KTN1: variants seen among roughly 807,000 people sequenced by gnomAD.
The protein encoded by KTN1 is kinectin 1, also known as kinectin.
In KTN1, 130 loss-of-function variants were observed where a neutral mutation model predicts 222.5. The ratio of observed to expected loss-of-function variants is 0.58; its 90% confidence interval spans 0.51 to 0.68. KTN1 has a LOEUF of 0.68. Among genes scored for constraint, KTN1 ranks in the 30% least tolerant of loss-of-function variants. KTN1 has a pLI of 0.00. For missense variants in KTN1, 1,508 were observed against 1,500.4 expected, an observed-to-expected ratio of 1.01 and a Z score of -0.08; for synonymous variants, 512 against 496.3, an observed-to-expected ratio of 1.03 and a Z score of -0.42.
At chr14:55,681,839 C>T (rs1328859630) in intron 43 of KTN1, 3 of 152,098 alleles carry the variant, frequency 2.0e-5, no homozygotes, top group East Asian at 1.9e-4. Flanking sequence ...TTTTGGTTCC[C>T]GTAGCTCTTC....
intron 1 of KTN1, among the ~76,000 whole-genome samples, chr14:55,590,144 T>C (rs1219677924): frequency 6.6e-6 from 1 of 152,200 alleles, no homozygotes; most frequent in Non-Finnish European, 1.5e-5. Context: ...TTCAGTGCTT[T>C]TATTGTAATT....
chr14:55,632,520 C>T (rs1594968148), intron 7 of KTN1, among the ~76,000 whole-genome samples: 1 of 152,010 alleles, frequency 6.6e-6, no homozygotes, highest in Non-Finnish European at 1.5e-5. Context: ...GTGGTGGTCG[C>T]CAGGGGCTGC....
chr14:55,645,824 A>T (rs748831380), intron 18 of KTN1, among the ~76,000 whole-genome samples: 1 of 152,160 alleles, frequency 6.6e-6, no homozygotes, highest in Non-Finnish European at 1.5e-5. Flanking sequence ...CATTAAAGAG[A>T]AGGGTTTAAT....
rs181326338 is a variant in KTN1, at chr14:55,599,934, G to T, written c.-30-12085G>T. On this transcript the variant is annotated intron_variant, in intron 1 of 43. Transcript: ENST00000395314. ...ACTTAGTGATTTGAAATGGCACTGT[G>T]ATAATATACCAAACTTTTTGTGTGT... Among the ~76,000 whole-genome samples the T allele has an allele frequency of 5.4e-3, 814 of 152,058 alleles. 3 individuals carry two copies. Among genetic ancestry groups the T allele is most frequent in the Non-Finnish European group, 9.3e-3 (630 of 67,958 alleles).
At chr14:55,634,427 C>A in intron 8 of KTN1, 99 bp from the exon 9 acceptor site, 2 of 1,067,214 alleles carry the variant, frequency 1.9e-6, no homozygotes, top group Non-Finnish European at 2.6e-6. Flanking sequence ...GTAAATGGAA[C>A]TACTAGCTCA....
rs542601023 is a variant in KTN1 at position 55,589,977 on chromosome 14, G to C, written c.-31+9623G>C. On this transcript the variant is annotated intron_variant, in intron 1 of 43. Coordinates refer to ENST00000395314, the MANE Select transcript of KTN1 (RefSeq NM_001079521.2). ...CAGCCTTATTTATCTGATTTCTTAA[G>C]GTAGCTTTGTAATAAGTAAAAACAA... 2.6e-5 allele frequency among the ~76,000 whole-genome samples: 4 copies of C among 151,854 alleles called. No homozygotes were observed. In the South Asian group the frequency reaches 8.3e-4, roughly 32 times the overall value.
chr14:55,628,376 A>G lies in KTN1; in HGVS notation c.1080+348A>G, dbSNP rs1204752593. Among the ~76,000 whole-genome samples the G allele has an allele frequency of 2.0e-5, 3 of 152,208 alleles. No homozygotes were observed. The East Asian group carries it at 5.8e-4, about 29-fold the overall frequency. On this transcript the variant is annotated intron_variant, in intron 6 of 43. Transcript: ENST00000395314. ...ATCTTGTTTAAGTCTGATTAATGGA[A>G]TAAGTGTGAAACTCTTAACATAGGT...
chr14:55,635,267 G>T (rs925212526), intron 9 of KTN1, among the ~76,000 whole-genome samples: 9 of 152,152 alleles, frequency 5.9e-5, no homozygotes, highest in African/African-American at 1.9e-4. Context: ...AATGATGTTA[G>T]CTGATTGACA....
intron 18 of KTN1, chr14:55,644,309 G>A (rs1595059041): frequency 4.3e-6 from 3 of 692,210 alleles, no homozygotes; most frequent in African/African-American, 1.8e-5. Flanking sequence ...GTTTAGTTAT[G>A]TAAAAATTTC....
chr14:55,640,024 G>T, intron 14 of KTN1, 21 bp downstream of exon 14: 1 of 1,363,950 alleles, frequency 7.3e-7, no homozygotes, highest in Non-Finnish European at 1.0e-6. Flanking sequence ...TTGTATAAAT[G>T]GCTGCAATAT....
intron 32 of KTN1, among the ~76,000 whole-genome samples, chr14:55,662,090 A>G (rs1032128717): frequency 7.2e-6 from 1 of 139,094 alleles, no homozygotes; most frequent in African/African-American, 2.8e-5. Context: ...TTTTTTTTTA[A>G]GACAGGGTCT....
intron 1 of KTN1, among the ~76,000 whole-genome samples, chr14:55,602,264 T>C (rs1235797397): frequency 6.6e-6 from 1 of 152,200 alleles, no homozygotes; most frequent in African/African-American, 2.4e-5. Flanking sequence ...CATAGAATTA[T>C]ATGCATGTCT....
Position 55,675,023 on chromosome 14 carries a change from C to T in KTN1, c.3772-812C>T, listed in dbSNP as rs140137275. On this transcript the variant is annotated intron_variant, in intron 40 of 43. Coordinates refer to ENST00000395314, the MANE Select transcript of KTN1 (RefSeq NM_001079521.2). ...AATTTCCAAGTGGAATTTCCCTCCG[C>T]CCCACTGCCACCCCTTTTTAATTCT... 5 of 152,266 alleles carry T rather than the reference C, an allele frequency of 3.3e-5. No individual in the cohort carries two copies. In the East Asian group the frequency reaches 9.7e-4, roughly 29 times the overall value. 9.4% of individuals were successfully genotyped at this position (152,266 alleles called of 1,614,324 possible). A position where few individuals can be genotyped will look rare whatever the true frequency, so the allele number is the denominator to read the frequency against.
intron 11 of KTN1, 23 bp from the exon 12 acceptor site, chr14:55,637,756 T>C: frequency 6.3e-7 from 1 of 1,583,314 alleles, no homozygotes; most frequent in Non-Finnish European, 8.7e-7. Context: ...GCTTTTTCTC[T>C]TTTTGGTTGC....
At chr14:55,644,974 C>G (rs1408430339) in intron 18 of KTN1, among the ~76,000 whole-genome samples, 14 of 152,026 alleles carry the variant, frequency 9.2e-5, no homozygotes. Flanking sequence ...AGTTGCTTAC[C>G]TACATGCTGA....
chr14:55,667,227 ATCT>A lies in KTN1; in HGVS notation c.3178-10_3178-8del, dbSNP rs752417289. On this transcript the variant is annotated splice_polypyrimidine_tract_variant and intron_variant, in intron 33 of 43. Transcript: ENST00000395314. ...TGATCTTGTAAGTTTGATTTGGCTC[ATCT>A]TCTGCTTTAGGAAAGGCAGCAACAG... is the stretch of plus-strand genomic sequence containing the variant. The A allele has an allele frequency of 4.6e-6, 7 of 1,525,412 alleles. No individual in the cohort carries two copies. Among genetic ancestry groups the A allele is most frequent in the East Asian group, 2.3e-5 (1 of 43,302 alleles). The allele number at this position is 1,525,412 out of a possible 1,614,324, so 94.5% of individuals were successfully genotyped here.
At chr14:55,586,476 G>C (rs2033028341) in intron 1 of KTN1, among the ~76,000 whole-genome samples, 1 of 152,064 alleles carries the variant, frequency 6.6e-6, no homozygotes, top group Non-Finnish European at 1.5e-5. Flanking sequence ...GTACTATTTG[G>C]TGAAAACTAG....
rs769996594 is a variant in KTN1 at position 55,671,767 on chromosome 14, C to G, written c.3439-18C>G. On this transcript the variant is annotated intron_variant, in intron 36 of 43. Transcript: ENST00000395314. ...TTAGAACATGAATTTTTCAAAACAA[C>G]TATGCTTTTGTCTGTAGGAAGGAAT... The G allele has an allele frequency of 1.3e-6, 2 of 1,584,590 alleles. No homozygotes were observed. Among genetic ancestry groups the G allele is most frequent in the Non-Finnish European group, 1.7e-6 (2 of 1,154,536 alleles).
Position 55,658,545 on chromosome 14 carries a change from G to A in KTN1, c.2893-1G>A. 1 of 1,544,484 alleles carries A rather than the reference G, an allele frequency of 6.5e-7. No individual in the cohort carries two copies. Among genetic ancestry groups the A allele is most frequent in the Non-Finnish European group, 8.9e-7 (1 of 1,119,330 alleles). ...CTGATGTTTAATTTTTATTTAATTA[G>A]GATGTACAAGATGAAAACAAATTGT... On this transcript the variant is annotated splice_acceptor_variant, in intron 29 of 43. Transcript: ENST00000395314. LOFTEE classifies it high-confidence loss of function.
Sources: allele counts gnomAD v4.1 joint callset (sites outside exome capture counted in the v4.1 genomes callset), GRCh38; gene constraint gnomAD v4.1.1; transcripts MANE v1.5; gene names NCBI Gene and HGNC (gene_info 2026-07-23, HGNC 2026-07-21).